The following ZNF407 variants were observed in gnomAD, a reference collection of about 807,000 sequenced individuals.
The protein encoded by ZNF407 is zinc finger protein 407.
A neutral mutation model predicts 131.2 loss-of-function variants in ZNF407; 17 were observed. The observed-to-expected ratio is 0.13, with a 90% CI of 0.09 to 0.19. The LOEUF (loss-of-function observed/expected upper bound fraction) is 0.19, where lower values mean the gene tolerates loss of function less well. ZNF407 is among the 10% of genes least tolerant of loss of function. The probability of loss-of-function intolerance (pLI) is 1.00; values close to 1 mark genes in which losing one functional copy is unlikely to be tolerated. For missense variants in ZNF407, 2,681 were observed against 2,830.6 expected (o/e 0.95, Z 1.20); for synonymous variants, 1,156 against 1,062.0 (o/e 1.09, Z -1.72).
At chr18:74,854,995 T>G (rs1029712751) in intron 4 of ZNF407, among the ~76,000 whole-genome samples, 1 of 152,236 alleles carries the variant, frequency 6.6e-6, no homozygotes, top group Admixed American at 6.5e-5. Context: ...ATATATAGTT[T>G]TCAATTTCCA....
intron 4 of ZNF407, among the ~76,000 whole-genome samples, chr18:74,863,423 T>C (rs925132193): frequency 6.6e-6 from 1 of 152,068 alleles, no homozygotes; most frequent in African/African-American, 2.4e-5. Flanking sequence ...ATGAGGTGTT[T>C]GTCAACATGA....
rs555649842 is a variant in ZNF407 at position 74,993,931 on chromosome 18, C to A, written c.5429-69219C>A. Reference sequence around the variant, plus strand: ...TAATAAGTGACTGAAGTGTGAGAGACAAAGACTGGTGCACTATTCCAGAAT... The same window carrying A: ...TAATAAGTGACTGAAGTGTGAGAGAAAAAGACTGGTGCACTATTCCAGAAT... On this transcript the variant is annotated intron_variant, in intron 8 of 8. Transcript: ENST00000299687. Among the ~76,000 whole-genome samples the A allele has an allele frequency of 8.5e-5, 13 of 152,322 alleles. No homozygotes were observed. The East Asian group carries it at 2.5e-3, about 29-fold the overall frequency.
At chr18:74,839,793 A>G (rs1970607067) in intron 4 of ZNF407, among the ~76,000 whole-genome samples, 1 of 152,158 alleles carries the variant, frequency 6.6e-6, no homozygotes, top group African/African-American at 2.4e-5. Context: ...GATTTTACCA[A>G]GAGATTATGG....
At position 74,635,742 on chromosome 18, in the gene ZNF407, C is replaced by G. The variant is rs1026592050; in HGVS notation, c.4687+36C>G. 1.3e-6 allele frequency: 2 copies of G among 1,532,684 alleles called. No homozygotes were observed. The highest frequency in any genetic ancestry group is 1.8e-6 in the Non-Finnish European group (2 of 1,142,014). 94.9% of individuals were successfully genotyped at this position (1,532,684 alleles called of 1,614,324 possible). ...CTGCAGCAAGCCAAGTCAGTGAGGA[C>G]ATGGGGCCATTTGTTCCCATCCAGA... On this transcript the variant is annotated intron_variant, in intron 2 of 8. Coordinates refer to ENST00000299687, the MANE Select transcript of ZNF407 (RefSeq NM_017757.3). This position sits in a 1 kb window ranked among gnomAD's most constrained non-coding sequence, Gnocchi z 4.7.
chr18:74,790,141 A>G (rs1169593809), intron 4 of ZNF407, among the ~76,000 whole-genome samples: 3 of 152,210 alleles, frequency 2.0e-5, no homozygotes, highest in East Asian at 1.9e-4. Context: ...TCTCCCCAGA[A>G]AGAAACCAAA....
chr18:74,819,637 G>T (rs1433640839), intron 4 of ZNF407, among the ~76,000 whole-genome samples: 2 of 152,148 alleles, frequency 1.3e-5, no homozygotes, highest in East Asian at 3.9e-4. Flanking sequence ...TCTTTCTTTT[G>T]TTCCTCCCTG....
intron 8 of ZNF407, among the ~76,000 whole-genome samples, chr18:74,954,901 A>T (rs1486660618): frequency 6.6e-6 from 1 of 152,232 alleles, no homozygotes; most frequent in Non-Finnish European, 1.5e-5. Context: ...GACAGGTGTC[A>T]CTGGATATAT....
intron 3 of ZNF407, among the ~76,000 whole-genome samples, chr18:74,764,513 C>G (rs1272257915): frequency 2.0e-5 from 3 of 152,152 alleles, no homozygotes; most frequent in African/African-American, 7.2e-5. Flanking sequence ...GTCAGAAATA[C>G]TTGAAAAATA....
intron 3 of ZNF407, among the ~76,000 whole-genome samples, chr18:74,687,031 A>T (rs1967111837): frequency 6.6e-6 from 1 of 152,160 alleles, no homozygotes; most frequent in Non-Finnish European, 1.5e-5. Flanking sequence ...TCTCTTGGGG[A>T]ATATGCACAA....
Position 75,063,073 on chromosome 18 carries a change from C to T in ZNF407, c.5429-77C>T, listed in dbSNP as rs1973657281. 7.3e-7 allele frequency: 1 copy of T among 1,376,628 alleles called. No individual in the cohort carries two copies. The highest frequency in any genetic ancestry group is 9.9e-7 in the Non-Finnish European group (1 of 1,006,674). The allele number at this position is 1,376,628 out of a possible 1,614,324, so 85.3% of individuals were successfully genotyped here. ...TGGTGACTCTGCTGAGGCCTGAGCG[C>T]TTCTGCAGAAGAAGTGTCTTACTTG... On this transcript the variant is annotated intron_variant, in intron 8 of 8. Coordinates refer to ENST00000299687, the MANE Select transcript of ZNF407 (RefSeq NM_017757.3). This position sits in a 1 kb window ranked among gnomAD's most constrained non-coding sequence, Gnocchi z 6.6.
intron 8 of ZNF407, among the ~76,000 whole-genome samples, chr18:75,001,641 G>GA (rs1321581452): frequency 6.6e-6 from 1 of 152,214 alleles, no homozygotes; most frequent in Non-Finnish European, 1.5e-5. Context: ...AAAGTTGTCT[G>GA]AAATGCCAAA....
At chr18:74,957,939 G>T (rs1171901799) in intron 8 of ZNF407, among the ~76,000 whole-genome samples, 1 of 152,182 alleles carries the variant, frequency 6.6e-6, no homozygotes, top group African/African-American at 2.4e-5. Flanking sequence ...TCCCACCTCT[G>T]CTTCCTTGTT....
chr18:75,015,701 G>A (rs1055829707), intron 8 of ZNF407, among the ~76,000 whole-genome samples: 8 of 151,190 alleles, frequency 5.3e-5, no homozygotes, highest in Non-Finnish European at 7.4e-5. Flanking sequence ...GTGATATAAC[G>A]GCACAGAATA....
At chr18:74,801,064 A>G in intron 4 of ZNF407, among the ~76,000 whole-genome samples, 1 of 152,122 alleles carries the variant, frequency 6.6e-6, no homozygotes. Flanking sequence ...CCCGTTAGAA[A>G]ATAAGCAGTC....
chr18:74,685,133 T>C (rs1967067279), intron 3 of ZNF407, among the ~76,000 whole-genome samples: 1 of 152,192 alleles, frequency 6.6e-6, no homozygotes, highest in African/African-American at 2.4e-5. Flanking sequence ...CTCAAAGTCT[T>C]AAGGATTATA....
intron 3 of ZNF407, among the ~76,000 whole-genome samples, chr18:74,652,422 A>AAT (rs1441997836): frequency 1.3e-5 from 2 of 152,032 alleles, no homozygotes; most frequent in Non-Finnish European, 2.9e-5. Flanking sequence ...ATAAAATAAA[A>AAT]ATATATATCA....
At position 74,639,556 on chromosome 18, in the gene ZNF407, C is replaced by T. The variant is rs560932512; in HGVS notation, c.4688-1452C>T. 1.6e-4 allele frequency among the ~76,000 whole-genome samples: 25 copies of T among 152,276 alleles called. 1 individual carries two copies. The South Asian group carries it at 4.8e-3, about 29-fold the overall frequency. On this transcript the variant is annotated intron_variant, in intron 2 of 8. Transcript: ENST00000299687. ...TAATGTGACTGATAGAATGTGATTG[C>T]TGTAAGCTGCAGTCTCAACCTGCTT...
At chr18:74,852,183 ACACACACACACACACGCACG>A (rs1195157516) in intron 4 of ZNF407, among the ~76,000 whole-genome samples, 2 of 116,168 alleles carry the variant, frequency 1.7e-5, no homozygotes, top group Non-Finnish European at 1.9e-5. Context: ...ACACACACAC[ACACACACACACACACGCACG>A]CACGCACGCG....
chr18:75,057,988 C>G (rs1324396412), intron 8 of ZNF407, among the ~76,000 whole-genome samples: 1 of 152,036 alleles, frequency 6.6e-6, no homozygotes, highest in Admixed American at 6.6e-5. Flanking sequence ...GGTATTTATT[C>G]TGTGGGAACA....
Sources: gnomAD v4.1 joint callset for allele counts (sites outside exome capture counted in the v4.1 genomes callset) on GRCh38, gnomAD v4.1.1 for gene constraint, Gnocchi (gnomAD v3.1) non-coding constraint, MANE v1.5 for transcripts, NCBI Gene and HGNC (gene_info 2026-07-23, HGNC 2026-07-21) for gene names.